The following KCNIP1 variants were observed in gnomAD, a reference collection of about 807,000 sequenced individuals.
KCNIP1 encodes potassium voltage-gated channel interacting protein 1.
Under a neutral mutation model 33.0 loss-of-function variants are expected in KCNIP1, and 18 were observed. The observed-to-expected ratio is 0.55, with a 90% confidence interval of 0.38 to 0.81. The LOEUF (loss-of-function observed/expected upper bound fraction) is 0.81. Ranked by LOEUF, KCNIP1 falls within the 30% of genes least tolerant of loss-of-function variation. KCNIP1 has a pLI of 0.00. For synonymous variants in KCNIP1, 93 were observed against 98.3 expected (o/e 0.95, Z 0.32); for missense variants, 238 against 271.6 (o/e 0.88, Z 0.87).
At chr5:170,464,503 T>C (rs1756568305) in intron 1 of KCNIP1, among the ~76,000 whole-genome samples, 1 of 152,206 alleles carries the variant, frequency 6.6e-6, no homozygotes, top group Non-Finnish European at 1.5e-5. Flanking sequence ...ACTTCAAAGC[T>C]ATGGCAGTGA....
chr5:170,358,328 G>A (rs572608756), intron 1 of KCNIP1, among the ~76,000 whole-genome samples: 3 of 152,262 alleles, frequency 2.0e-5, no homozygotes, highest in African/African-American at 4.8e-5. Context: ...CCCTGGAGCC[G>A]TAACTCTCCC....
chr5:170,712,434 T>C (rs564485876), intron 1 of KCNIP1, among the ~76,000 whole-genome samples: 6 of 152,320 alleles, frequency 3.9e-5, no homozygotes, highest in Admixed American at 1.3e-4. Context: ...CTACAAGATA[T>C]GCAGTTTCCA....
intron 1 of KCNIP1, among the ~76,000 whole-genome samples, chr5:170,517,805 GTGA>G (rs1427641615): frequency 7.0e-6 from 1 of 143,868 alleles, no homozygotes; most frequent in Non-Finnish European, 1.5e-5. Context: ...TGAAGTGATA[GTGA>G]TGGTGGTGGT....
chr5:170,577,025 T>C (rs1757626411), intron 1 of KCNIP1, among the ~76,000 whole-genome samples: 1 of 152,166 alleles, frequency 6.6e-6, no homozygotes, highest in Non-Finnish European at 1.5e-5. Context: ...TGGACCTCCC[T>C]CTGGTGGGGT....
At chr5:170,418,161 T>A (rs1234407996) in intron 1 of KCNIP1, among the ~76,000 whole-genome samples, 3 of 152,224 alleles carry the variant, frequency 2.0e-5, no homozygotes, top group African/African-American at 4.8e-5. Context: ...CTGGGCGCAG[T>A]GGCTCATGCC....
At chr5:170,692,643 C>T (rs902632217) in intron 1 of KCNIP1, among the ~76,000 whole-genome samples, 1 of 152,188 alleles carries the variant, frequency 6.6e-6, no homozygotes, top group African/African-American at 2.4e-5. Flanking sequence ...ATACTAATAT[C>T]ACCTCCCAGG....
chr5:170,388,693 G>A (rs4867963), intron 1 of KCNIP1, among the ~76,000 whole-genome samples: 3,829 of 152,222 alleles, frequency 0.025, 101 homozygotes, highest in East Asian at 0.1. Context: ...TGGACAGGGC[G>A]ATTCTGAGGT....
chr5:170,524,586 A>G (rs1456240215), intron 1 of KCNIP1, among the ~76,000 whole-genome samples: 1 of 152,048 alleles, frequency 6.6e-6, no homozygotes, highest in Non-Finnish European at 1.5e-5. Context: ...GACTCAGAGC[A>G]TGACCAGTGC....
intron 1 of KCNIP1, among the ~76,000 whole-genome samples, chr5:170,711,450 G>C (rs1763440719): frequency 6.6e-6 from 1 of 152,206 alleles, no homozygotes; most frequent in African/African-American, 2.4e-5. Context: ...ATTCAGGGTA[G>C]TGAAACTATT....
chr5:170,532,430 C>T (rs1425369057), intron 1 of KCNIP1, among the ~76,000 whole-genome samples: 4 of 152,216 alleles, frequency 2.6e-5, no homozygotes, highest in Non-Finnish European at 5.9e-5. Flanking sequence ...CTCGACTCCC[C>T]TCATCTCAGA....
chr5:170,553,467 C>T (rs1756728411), intron 1 of KCNIP1, among the ~76,000 whole-genome samples: 1 of 152,210 alleles, frequency 6.6e-6, no homozygotes, highest in South Asian at 2.1e-4. Context: ...CCATCATTTA[C>T]ATCTAGGCAG....
intron 1 of KCNIP1, chr5:170,382,655 CTTTTT>C (rs5873227): frequency 0.033 from 4,315 of 129,512 alleles, 143 homozygotes; most frequent in African/African-American, 0.091. Flanking sequence ...AAGAGCCTTT[CTTTTT>C]TTTTTTTTTT....
chr5:170,472,182 C>CA (rs1226390998), intron 1 of KCNIP1, among the ~76,000 whole-genome samples: 1 of 152,222 alleles, frequency 6.6e-6, no homozygotes, highest in African/African-American at 2.4e-5. Flanking sequence ...AAGGCATCCT[C>CA]TCTGGGCCTC....
At chr5:170,521,651 G>T (rs1011501112) in intron 1 of KCNIP1, among the ~76,000 whole-genome samples, 1 of 152,168 alleles carries the variant, frequency 6.6e-6, no homozygotes, top group African/African-American at 2.4e-5. Context: ...TGCACCATCG[G>T]CCACCTTTAG....
intron 1 of KCNIP1, among the ~76,000 whole-genome samples, chr5:170,674,595 T>C (rs1762059354): frequency 1.3e-5 from 2 of 152,174 alleles, no homozygotes; most frequent in South Asian, 2.1e-4. Flanking sequence ...GCTGATGTGA[T>C]GGAGAATGAA....
intron 1 of KCNIP1, among the ~76,000 whole-genome samples, chr5:170,668,245 C>T (rs1184730951): frequency 6.6e-6 from 1 of 152,192 alleles, no homozygotes; most frequent in Non-Finnish European, 1.5e-5. Flanking sequence ...CCAGGGAGGG[C>T]AGATAAGGAG....
chr5:170,361,721 C>A (rs1763516960), intron 1 of KCNIP1, among the ~76,000 whole-genome samples: 1 of 152,214 alleles, frequency 6.6e-6, no homozygotes, highest in Non-Finnish European at 1.5e-5. Flanking sequence ...CGTGGGGACT[C>A]TTCCTGGCTT....
Position 170,627,068 on chromosome 5 carries a change from G to T in KCNIP1, c.62-91690G>T, listed in dbSNP as rs906022454. ...GGGGCCAGCATCCGTGTCTTTCCTGGGGGCCAGTGGGGGCCGTGGCTCTGA... is the reference window on the plus strand; with the variant it reads ...GGGGCCAGCATCCGTGTCTTTCCTGTGGGCCAGTGGGGGCCGTGGCTCTGA... On this transcript the variant is annotated intron_variant, in intron 1 of 7. Coordinates refer to ENST00000328939, the MANE Select transcript of KCNIP1 (RefSeq NM_014592.4). 2.6e-5 allele frequency among the ~76,000 whole-genome samples: 4 copies of T among 152,210 alleles called. No homozygotes were observed. In the South Asian group the frequency reaches 6.2e-4, roughly 24 times the overall value.
intron 1 of KCNIP1, among the ~76,000 whole-genome samples, chr5:170,618,801 A>G (rs1011753152): frequency 1.3e-5 from 2 of 152,338 alleles, no homozygotes; most frequent in African/African-American, 4.8e-5. Context: ...TAATGAGAGC[A>G]TAGCCCTTTA....
Sources: allele counts gnomAD v4.1 joint callset (sites outside exome capture counted in the v4.1 genomes callset), GRCh38; gene constraint gnomAD v4.1.1; transcripts MANE v1.5; gene names NCBI Gene and HGNC (gene_info 2026-07-23, HGNC 2026-07-21).